The following MYO10 variants were observed in gnomAD, a reference collection of about 807,000 sequenced individuals.
The protein encoded by MYO10 is unconventional myosin-X.
Under a neutral mutation model 257.3 loss-of-function variants are expected in MYO10, and 133 were observed. That is an observed-to-expected ratio of 0.52 (90% CI 0.45 to 0.60). MYO10 has a LOEUF of 0.60. Ranked by LOEUF, MYO10 falls within the 20% of genes least tolerant of loss-of-function variation. The pLI, the probability that MYO10 is intolerant of heterozygous loss-of-function variation, is 0.00. For synonymous variants in MYO10, 1,104 were observed against 1,028.6 expected (o/e 1.07, Z -1.40); for missense variants, 2,399 against 2,635.7 (o/e 0.91, Z 1.97).
At chr5:16,707,321 A>G (rs1477915264) in intron 21 of MYO10, among the ~76,000 whole-genome samples, 1 of 152,198 alleles carries the variant, frequency 6.6e-6, no homozygotes, top group Non-Finnish European at 1.5e-5. Context: ...TCACTTTGCC[A>G]TGTTCCCAGG....
intron 12 of MYO10, 67 bp from the exon 13 acceptor site, chr5:16,763,822 A>G: frequency 1.0e-6 from 1 of 996,936 alleles, no homozygotes; most frequent in Non-Finnish European, 1.5e-6. Flanking sequence ...GGTGAAGAAA[A>G]GACAAAGAAA....
intron 19 of MYO10, among the ~76,000 whole-genome samples, chr5:16,715,095 A>G (rs561515366): frequency 6.6e-6 from 1 of 150,852 alleles, no homozygotes; most frequent in African/African-American, 2.4e-5. Context: ...ATACACAACA[A>G]AAATAAATTA....
In MYO10 at chr5:16,670,839, A is replaced by G. The variant is rs1736419780; in HGVS notation, c.5570T>C (p.Leu1857Pro). ...AIPPLEEVYS[L>P]QRLKARISQS... ...GCTGATGCGGGCCTTGAGTCTCTGC[A>G]GGGAATAAACCTCTTCGAGAGGTGG... The change falls in exon 39 of 41, where the codon CTG (leucine) becomes CCG (proline). Residue 1857 changes from leucine (L) to proline (P), a missense_variant. Leu to Pro is a moderately conservative substitution (Grantham distance 98, BLOSUM62 -3). This residue lies in a region of MYO10 where 1,820 missense variants were observed against 1,939.4 expected (regional missense o/e 0.94). Transcript: ENST00000513610. The G allele has an allele frequency of 6.2e-7, 1 of 1,613,870 alleles. No individual in the cohort carries two copies. The highest frequency in any genetic ancestry group is 1.3e-5 in the African/African-American group (1 of 74,908).
At chr5:16,910,565 A>G (rs1214094717) in intron 1 of MYO10, among the ~76,000 whole-genome samples, 1 of 152,272 alleles carries the variant, frequency 6.6e-6, no homozygotes, top group Non-Finnish European at 1.5e-5. Context: ...ATATTTTATT[A>G]TAATTAGTAA....
intron 9 of MYO10, among the ~76,000 whole-genome samples, chr5:16,770,838 G>C (rs192780707): frequency 6.6e-6 from 1 of 152,104 alleles, no homozygotes; most frequent in South Asian, 2.1e-4. Flanking sequence ...GCACGATCTC[G>C]GCTCACCGCA....
In MYO10 at chr5:16,794,829, T is replaced by A. The variant is rs1007773841; in HGVS notation, c.284A>T (p.Tyr95Phe). 6.6e-7 allele frequency: 1 copy of A among 1,525,692 alleles called. No homozygotes were observed. The highest frequency in any genetic ancestry group is 8.8e-7 in the Non-Finnish European group (1 of 1,132,306). 94.5% of individuals were successfully genotyped at this position (1,525,692 alleles called of 1,614,324 possible). ...CACGGAGGCCAGGATGGAGCCGATG[T>A]AGGTCTGCAAGCACAGAGTGAGACA... ...QRYKRNQIYT[Y>F]IGSILASVNP... The change falls in exon 4 of 41, where the codon TAC (tyrosine) becomes TTC (phenylalanine). Residue 95 changes from tyrosine to phenylalanine, a missense_variant. Around this residue, in one of 3 missense-constraint regions of MYO10, gnomAD observed 242 missense variants for 249.5 expected, o/e 0.97. Coordinates refer to ENST00000513610, the MANE Select transcript of MYO10 (RefSeq NM_012334.3).
At chr5:16,851,466 A>C (rs562287159) in intron 2 of MYO10, among the ~76,000 whole-genome samples, 14 of 152,318 alleles carry the variant, frequency 9.2e-5, no homozygotes, top group South Asian at 2.1e-4. Flanking sequence ...CTTGGGTCAC[A>C]TGTTTGTTAT....
chr5:16,733,345 C>G (rs1362602003), intron 19 of MYO10, among the ~76,000 whole-genome samples: 1 of 152,062 alleles, frequency 6.6e-6, no homozygotes, highest in Non-Finnish European at 1.5e-5. Context: ...CAAGTCAGCC[C>G]TTTTCATTTC....
At chr5:16,730,631 G>T (rs1490169544) in intron 19 of MYO10, among the ~76,000 whole-genome samples, 1 of 152,188 alleles carries the variant, frequency 6.6e-6, no homozygotes, top group Non-Finnish European at 1.5e-5. Flanking sequence ...GACATCACGG[G>T]GCAGTGTCAA....
intron 2 of MYO10, among the ~76,000 whole-genome samples, chr5:16,868,257 C>A (rs1220846944): frequency 6.6e-6 from 1 of 152,216 alleles, no homozygotes; most frequent in East Asian, 1.9e-4. Context: ...GTGCTGTCTT[C>A]CTTCTTACCC....
At chr5:16,761,104 T>C (rs143591806) in intron 17 of MYO10, among the ~76,000 whole-genome samples, 1,637 of 152,126 alleles carry the variant, frequency 0.011, 16 homozygotes, top group African/African-American at 0.036. Context: ...GATTCTCCTG[T>C]TTCAGCCTCC....
At chr5:16,771,549 T>TATC (rs1741049971) in intron 9 of MYO10, among the ~76,000 whole-genome samples, 1 of 13,388 alleles carries the variant, frequency 7.5e-5, no homozygotes. Context: ...TATTATGATT[T>TATC]ATTATTATTA....
rs766396245 is a variant in MYO10, at chr5:16,710,931, C to T, written c.2146G>A (p.Glu716Lys). ...ACCTTGGTCTTCCCCAGCTGCCACT[C>T]GCTGTTGGAGGCATCATAGAGCTGC... ...LLQLYDASNS[E>K]WQLGKTKVFL... is the part of the protein sequence containing the mutation. The change falls in exon 21 of 41, where the codon GAG (glutamate) becomes AAG (lysine). Residue 716 changes from glutamate (E) to lysine (K), a missense_variant. Around this residue, in one of 3 missense-constraint regions of MYO10, gnomAD observed 1,820 missense variants for 1,939.4 expected, o/e 0.94. Transcript: ENST00000513610. The T allele has an allele frequency of 6.2e-6, 10 of 1,613,748 alleles. No individual in the cohort carries two copies. Among genetic ancestry groups the T allele is most frequent in the East Asian group, 2.2e-5 (1 of 44,864 alleles).
chr5:16,905,753 C>A (rs1745502454), intron 1 of MYO10, among the ~76,000 whole-genome samples: 1 of 152,100 alleles, frequency 6.6e-6, no homozygotes, highest in Non-Finnish European at 1.5e-5. Context: ...TCCCTGCCAC[C>A]AGTAAAAGTA....
rs746960309 is a variant in MYO10, at chr5:16,902,367, C to A, written c.22-24660G>T. The A allele has an allele frequency of 9.8e-6, 12 of 1,224,742 alleles. No individual in the cohort carries two copies. The Admixed American group carries it at 1.0e-4, about 10-fold the overall frequency. 75.9% of individuals were successfully genotyped at this position (1,224,742 alleles called of 1,614,324 possible). A position where few individuals can be genotyped will look rare whatever the true frequency, so the allele number is the denominator to read the frequency against. On this transcript the variant is annotated intron_variant, in intron 1 of 40. Transcript: ENST00000513610. Reference sequence around the variant, plus strand: ...TCAGGGTGGGGGTGTTCGGTCCTTGCGGGCTTCACGAGATCGATTCCTGAC... The same window carrying A: ...TCAGGGTGGGGGTGTTCGGTCCTTGAGGGCTTCACGAGATCGATTCCTGAC...
In MYO10 at chr5:16,681,304, G is replaced by A; in HGVS notation, c.4384+5C>T. The stretch of plus-strand genomic sequence containing the variant: ...GCTCAGGGTTCGGGCAGCCAGCCTG[G>A]TTACCTGTCTCTTTGAATATCTTCT... On this transcript the variant is annotated splice_donor_5th_base_variant and intron_variant, in intron 32 of 40. Transcript: ENST00000513610. 1 of 1,605,092 alleles carries A rather than the reference G, an allele frequency of 6.2e-7. No homozygotes were observed. Among genetic ancestry groups the A allele is most frequent in the Non-Finnish European group, 8.5e-7 (1 of 1,177,170 alleles).
chr5:16,736,017 G>A (rs1739782666), intron 19 of MYO10, among the ~76,000 whole-genome samples: 2 of 151,728 alleles, frequency 1.3e-5, no homozygotes, highest in Admixed American at 6.6e-5. Context: ...CCACAGCACC[G>A]AATAAAGCAC....
intron 26 of MYO10, among the ~76,000 whole-genome samples, chr5:16,695,825 A>G (rs1044019848): frequency 2.0e-5 from 3 of 152,222 alleles, no homozygotes; most frequent in Non-Finnish European, 2.9e-5. Flanking sequence ...AAAACCAGAC[A>G]GTGCACTTGC....
At chr5:16,850,679 C>A (rs1392178150) in intron 2 of MYO10, among the ~76,000 whole-genome samples, 1 of 151,922 alleles carries the variant, frequency 6.6e-6, no homozygotes, top group Non-Finnish European at 1.5e-5. Context: ...GAGGAAAAGA[C>A]CACATATAGG....
Sources: gnomAD v4.1 joint callset for allele counts (sites outside exome capture counted in the v4.1 genomes callset) on GRCh38, gnomAD v4.1.1 for gene constraint, gnomAD v4.1.1 regional missense constraint, MANE v1.5 for transcripts, NCBI Gene and HGNC (gene_info 2026-07-23, HGNC 2026-07-21) for gene names.